Variants in DIAPH2 observed in about 807,000 individuals in gnomAD.
The protein encoded by DIAPH2 is diaphanous related formin 2.
DIAPH2 carries 35 observed loss-of-function variants against 92.7 expected under a neutral mutation model. The observed-to-expected ratio is 0.38, with a 90% CI of 0.29 to 0.50. The LOEUF (loss-of-function observed/expected upper bound fraction) is 0.50, where lower values mean the gene tolerates loss of function less well. Among genes scored for constraint, DIAPH2 ranks in the 20% least tolerant of loss-of-function variants. The pLI, the probability that DIAPH2 is intolerant of heterozygous loss-of-function variation, is 0.94. For missense variants in DIAPH2, 701 were observed against 819.5 expected, an observed-to-expected ratio of 0.86 and a Z score of 1.77; for synonymous variants, 301 against 280.4, an observed-to-expected ratio of 1.07 and a Z score of -0.73.
chrX:97,203,720 A>G (rs1365335019), intron 22 of DIAPH2, among the ~76,000 whole-genome samples: 1 of 111,911 alleles, frequency 8.9e-6, no homozygotes, highest in Non-Finnish European at 1.9e-5. Flanking sequence ...AGATGGATTC[A>G]CAGCTGAATT....
rs766405063 is a variant in DIAPH2 at position 97,242,343 on chromosome X, C to T, written c.2720-5372C>T. ...AAGGAGTAAGCAGGTAAATGAATTG[C>T]TCATTGTCTCCTCTAAGCAGCTCTT... is the stretch of plus-strand genomic sequence containing the variant. On this transcript the variant is annotated intron_variant, in intron 22 of 26. Coordinates refer to ENST00000324765, the MANE Select transcript of DIAPH2 (RefSeq NM_006729.5). 2.1e-3 allele frequency among the ~76,000 whole-genome samples: 226 copies of T among 110,148 alleles called. 1 individual carries two copies. Among genetic ancestry groups the T allele is most frequent in the African/African-American group, 7.2e-3 (219 of 30,293 alleles).
At chrX:97,007,205 G>C (rs1219973169) in intron 17 of DIAPH2, among the ~76,000 whole-genome samples, 2 of 111,464 alleles carry the variant, frequency 1.8e-5, no homozygotes, top group Non-Finnish European at 3.8e-5. Flanking sequence ...GATATGAGTA[G>C]TTTACACACC....
At chrX:97,012,914 C>T (rs2066237030) in intron 17 of DIAPH2, among the ~76,000 whole-genome samples, 1 of 112,200 alleles carries the variant, frequency 8.9e-6, no homozygotes, top group Non-Finnish European at 1.9e-5. Context: ...CAAGTTCACA[C>T]AGCAGAATCT....
At chrX:97,329,889 TAGAC>T (rs1268065766) in intron 23 of DIAPH2, among the ~76,000 whole-genome samples, 1 of 42,114 alleles carries the variant, frequency 2.4e-5, no homozygotes, top group African/African-American at 7.3e-5. Flanking sequence ...CCTGCATTCT[TAGAC>T]ACACACACAC....
At chrX:97,592,721 G>A (rs1040421917) in intron 26 of DIAPH2, among the ~76,000 whole-genome samples, 12 of 112,049 alleles carry the variant, frequency 1.1e-4, no homozygotes, top group Non-Finnish European at 2.1e-4. Context: ...CAATTGGAAA[G>A]ACATTTGGGG....
chrX:96,773,523 T>G (rs1291212229), intron 4 of DIAPH2, among the ~76,000 whole-genome samples: 1 of 111,083 alleles, frequency 9.0e-6, no homozygotes, highest in Non-Finnish European at 1.9e-5. Flanking sequence ...CCAAACTTAC[T>G]GACACTTTGG....
chrX:97,256,674 T>C (rs1454003510), intron 23 of DIAPH2, among the ~76,000 whole-genome samples: 1 of 111,662 alleles, frequency 9.0e-6, no homozygotes, highest in Non-Finnish European at 1.9e-5. Flanking sequence ...TTTGTTTGTT[T>C]GTTTGTTTGA....
At chrX:96,844,730 A>G (rs898197574) in intron 4 of DIAPH2, among the ~76,000 whole-genome samples, 13 of 111,688 alleles carry the variant, frequency 1.2e-4, no homozygotes, top group African/African-American at 4.2e-4. Flanking sequence ...TGAGTCTAGA[A>G]AATTTATATT....
At chrX:97,502,727 A>G (rs1385755085) in intron 26 of DIAPH2, among the ~76,000 whole-genome samples, 2 of 112,730 alleles carry the variant, frequency 1.8e-5, no homozygotes, top group Non-Finnish European at 3.7e-5. Flanking sequence ...CAACAGAAAC[A>G]TATTATTAGA....
intron 5 of DIAPH2, among the ~76,000 whole-genome samples, chrX:96,895,106 C>T (rs1427389281): frequency 2.8e-5 from 3 of 106,262 alleles, no homozygotes; most frequent in Non-Finnish European, 3.9e-5. Flanking sequence ...TGGGTTCAAG[C>T]GATTCTCCTG....
intron 26 of DIAPH2, among the ~76,000 whole-genome samples, chrX:97,444,313 CA>C (rs2070288472): frequency 9.3e-6 from 1 of 106,983 alleles, no homozygotes; most frequent in African/African-American, 3.4e-5. Flanking sequence ...TTTTTAATTT[CA>C]TACATTATTC....
chrX:97,363,866 C>T (rs1330005223), intron 24 of DIAPH2, among the ~76,000 whole-genome samples: 2 of 110,227 alleles, frequency 1.8e-5, no homozygotes, highest in Non-Finnish European at 3.8e-5. Context: ...TTTTTAGTGC[C>T]AAAAATATGA....
chrX:97,414,405 C>T (rs1227657698), intron 25 of DIAPH2, among the ~76,000 whole-genome samples: 1 of 111,389 alleles, frequency 9.0e-6, no homozygotes, highest in Non-Finnish European at 1.9e-5. Flanking sequence ...AATCCCAGCA[C>T]TTTTGGAGGC....
intron 19 of DIAPH2, among the ~76,000 whole-genome samples, chrX:97,083,694 A>G (rs2066763624): frequency 8.9e-6 from 1 of 112,126 alleles, no homozygotes; most frequent in Non-Finnish European, 1.9e-5. Context: ...CTTAAGAATT[A>G]CTTTTATTTC....
At chrX:97,066,848 A>G (rs2066637421) in intron 17 of DIAPH2, among the ~76,000 whole-genome samples, 1 of 112,248 alleles carries the variant, frequency 8.9e-6, no homozygotes, top group South Asian at 3.7e-4. Flanking sequence ...ATAAACTACA[A>G]CCAGTAAGAT....
In DIAPH2 at chrX:97,600,731, T is replaced by C. The variant is rs1474016080; in HGVS notation, c.*1414T>C. ...TATTGTAAGAAATTTCTTACATGTA[T>C]ATTTCTTATGTAGAAAATACTGTTT... On this transcript the variant is annotated 3_prime_UTR_variant, in exon 27 of 27. Coordinates refer to ENST00000324765, the MANE Select transcript of DIAPH2 (RefSeq NM_006729.5). 1.0e-5 allele frequency: 1 copy of C among 95,302 alleles called. No individual in the cohort carries two copies. The highest frequency in any genetic ancestry group is 4.0e-5 in the African/African-American group (1 of 24,932). The allele number at this position is 95,302 out of a possible 1,213,427, so 7.9% of individuals were successfully genotyped here.
chrX:96,912,534 A>G lies in DIAPH2; in HGVS notation c.714A>G (p.Lys238=). Residue 238 remains lysine (K), a synonymous_variant, in exon 7 of 27, where the codon AAA becomes AAG. Transcript: ENST00000324765. The part of the protein sequence containing the change: ...KNQYKLIQCL[K]AFMNNKFGLQ... ...AGTATAAACTTATTCAATGCCTCAA[A>G]GCATTTATGAATAATAAGGTAAGTA... 8.4e-7 allele frequency: 1 copy of G among 1,193,935 alleles called. No homozygotes were observed. The highest frequency in any genetic ancestry group is 3.0e-4 in the Middle Eastern group (1 of 3,381).
intron 23 of DIAPH2, among the ~76,000 whole-genome samples, chrX:97,329,001 A>G (rs1370516472): frequency 8.9e-6 from 1 of 112,260 alleles, no homozygotes; most frequent in African/African-American, 3.2e-5. Context: ...GCATCATGAT[A>G]AAAATGATAC....
Position 97,436,027 on chromosome X carries a change from A to G in DIAPH2, c.3241+6282A>G, listed in dbSNP as rs7066873. On this transcript the variant is annotated intron_variant, in intron 26 of 26. Transcript: ENST00000324765. Reference sequence around the variant, plus strand: ...TCACCGTGTTAGCCAGGATGGTCTCAATCTCCTGACCTCGTGATCCACCCT... The same window carrying G: ...TCACCGTGTTAGCCAGGATGGTCTCGATCTCCTGACCTCGTGATCCACCCT... Among the ~76,000 whole-genome samples, 777 of 110,522 alleles carry G rather than the reference A, an allele frequency of 7.0e-3. 4 individuals carry two copies. The highest frequency in any genetic ancestry group is 0.024 in the African/African-American group (723 of 30,391).
Sources: gnomAD v4.1 joint callset for allele counts (sites outside exome capture counted in the v4.1 genomes callset) on GRCh38, gnomAD v4.1.1 for gene constraint, MANE v1.5 for transcripts, NCBI Gene and HGNC (gene_info 2026-07-23, HGNC 2026-07-21) for gene names.